Variants in SAMD12 observed in about 807,000 individuals in gnomAD.
SAMD12 encodes the protein sterile alpha motif domain-containing protein 12.
In SAMD12, 9 loss-of-function variants were observed where a neutral mutation model predicts 15.0. The ratio of observed to expected loss-of-function variants is 0.60; its 90% CI spans 0.36 to 1.05. The LOEUF is 1.05. Among genes scored for constraint, SAMD12 ranks in the 50% least tolerant of loss-of-function variants. The probability of loss-of-function intolerance (pLI) is 0.01; values close to 1 mark genes in which losing one functional copy is unlikely to be tolerated. For missense variants in SAMD12, 230 were observed against 234.2 expected (o/e 0.98, Z 0.12); for synonymous variants, 86 against 90.1 (o/e 0.96, Z 0.25).
rs79281224 is a variant in SAMD12, at chr8:118,617,397, A to G, written c.13+4407T>C. Among the ~76,000 whole-genome samples the G allele has an allele frequency of 4.9e-3, 753 of 152,350 alleles. 6 individuals carry two copies. The highest frequency in any genetic ancestry group is 7.7e-3 in the Non-Finnish European group (526 of 68,020). On this transcript the variant is annotated intron_variant, in intron 1 of 3. Coordinates refer to ENST00000314727, the MANE Select transcript of SAMD12 (RefSeq NM_207506.3). ...GTTTCTTCACTCTTCTACAGGAGAA[A>G]AAACATAGAACCTGAGCACTGAATG...
chr8:118,404,987 T>G (rs2130797181), intron 3 of SAMD12, among the ~76,000 whole-genome samples: 1 of 152,280 alleles, frequency 6.6e-6, no homozygotes, highest in Middle Eastern at 3.4e-3. Flanking sequence ...TATAAGCTCT[T>G]CCTGAACCTG....
chr8:118,276,724 G>C (rs1480687926), intron 4 of SAMD12, among the ~76,000 whole-genome samples: 1 of 152,130 alleles, frequency 6.6e-6, no homozygotes, highest in African/African-American at 2.4e-5. Context: ...CCATGCTGGA[G>C]TGCGGTGGTG....
At chr8:118,191,477 T>C (rs1193640017) in exon 5 of SAMD12, 1 of 151,762 alleles carries the variant, frequency 6.6e-6, no homozygotes, top group African/African-American at 2.4e-5. Flanking sequence ...GACAAGGGTT[T>C]CAGCATTCAA....
chr8:118,594,881 C>A (rs1827684374), intron 1 of SAMD12, among the ~76,000 whole-genome samples: 1 of 152,156 alleles, frequency 6.6e-6, no homozygotes, highest in African/African-American at 2.4e-5. Flanking sequence ...AACCTTCTCT[C>A]CTATTCCAAC....
intron 4 of SAMD12, among the ~76,000 whole-genome samples, chr8:118,213,360 C>T (rs775121495): frequency 1.3e-5 from 2 of 152,118 alleles, no homozygotes; most frequent in East Asian, 1.9e-4. Flanking sequence ...TGAACCTAGT[C>T]GCCATGCTGT....
chr8:118,620,569 C>A (rs922416504), intron 1 of SAMD12, among the ~76,000 whole-genome samples: 50 of 151,942 alleles, frequency 3.3e-4, no homozygotes, highest in African/African-American at 1.2e-3. Flanking sequence ...CTGAGATAGC[C>A]CAAAGGCAAG....
At chr8:118,454,672 A>G (rs889418647) in intron 2 of SAMD12, among the ~76,000 whole-genome samples, 15 of 152,326 alleles carry the variant, frequency 9.8e-5, no homozygotes, top group Admixed American at 7.8e-4. Context: ...ATAATTTTTA[A>G]TTGTACAGTT....
chr8:118,425,190 G>C (rs1254907590), intron 3 of SAMD12, among the ~76,000 whole-genome samples: 1 of 152,052 alleles, frequency 6.6e-6, no homozygotes, highest in Admixed American at 6.5e-5. Context: ...TGCCCGCCTT[G>C]GCCTCCCAAA....
At chr8:118,518,449 C>T (rs1343475765) in intron 2 of SAMD12, among the ~76,000 whole-genome samples, 2 of 152,154 alleles carry the variant, frequency 1.3e-5, no homozygotes, top group African/African-American at 4.8e-5. Context: ...GAATAATAAC[C>T]TCTTTTATCT....
chr8:118,144,160 G>A, the SAMD12 span, among the ~76,000 whole-genome samples: 1 of 152,172 alleles, frequency 6.6e-6, no homozygotes, highest in African/African-American at 2.4e-5. Context: ...ATAAGGATTC[G>A]GGCGAGGATC....
intron 2 of SAMD12, among the ~76,000 whole-genome samples, chr8:118,565,851 A>T (rs1025403697): frequency 6.6e-6 from 1 of 152,188 alleles, no homozygotes; most frequent in African/African-American, 2.4e-5. Context: ...TTGCCTCCAT[A>T]GGTTACACCT....
chr8:118,444,042 C>G (rs1822832980), intron 2 of SAMD12, among the ~76,000 whole-genome samples: 1 of 152,174 alleles, frequency 6.6e-6, no homozygotes, highest in South Asian at 2.1e-4. Flanking sequence ...CCTACACTCT[C>G]TTCACAGCCA....
intron 4 of SAMD12, among the ~76,000 whole-genome samples, chr8:118,366,441 G>A (rs1352261982): frequency 6.6e-6 from 1 of 152,124 alleles, no homozygotes; most frequent in East Asian, 1.9e-4. Flanking sequence ...CATATAAATA[G>A]TAGTTGACAC....
intron 2 of SAMD12, among the ~76,000 whole-genome samples, chr8:118,479,990 A>G (rs1362534213): frequency 6.6e-6 from 1 of 152,230 alleles, no homozygotes; most frequent in Admixed American, 6.5e-5. Flanking sequence ...TTCAATAGGC[A>G]AGATCTTTGC....
intron 4 of SAMD12, among the ~76,000 whole-genome samples, chr8:118,249,927 T>C (rs912154762): frequency 3.9e-5 from 6 of 152,112 alleles, no homozygotes; most frequent in African/African-American, 1.4e-4. Context: ...ACTATTTGGG[T>C]GACCATCAGC....
chr8:118,544,678 C>T (rs945338366), intron 2 of SAMD12, among the ~76,000 whole-genome samples: 2 of 152,162 alleles, frequency 1.3e-5, no homozygotes, highest in African/African-American at 4.8e-5. Context: ...ACCATGCAAG[C>T]AGAGGTGTCT....
intron 1 of SAMD12, among the ~76,000 whole-genome samples, chr8:118,599,620 A>G (rs767215500): frequency 1.3e-5 from 2 of 152,204 alleles, no homozygotes; most frequent in African/African-American, 4.8e-5. Context: ...GCTTAGGGAT[A>G]AAGTCTTTAT....
chr8:118,533,149 C>T (rs183410652), intron 2 of SAMD12, among the ~76,000 whole-genome samples: 9,235 of 152,082 alleles, frequency 0.061, 342 homozygotes, highest in South Asian at 0.13. Flanking sequence ...TCTTTGTTCT[C>T]GTTGGTTTCA....
chr8:118,169,646 T>G, the SAMD12 span, among the ~76,000 whole-genome samples: 2 of 152,188 alleles, frequency 1.3e-5, no homozygotes, highest in Non-Finnish European at 2.9e-5. Context: ...CTGACCCCAA[T>G]GTTTCTTTCA....
Sources: allele counts gnomAD v4.1 joint callset (sites outside exome capture counted in the v4.1 genomes callset), GRCh38; gene constraint gnomAD v4.1.1; transcripts MANE v1.5; gene names NCBI Gene and HGNC (gene_info 2026-07-23, HGNC 2026-07-21).